RBFOX1: variants seen among roughly 807,000 people sequenced by gnomAD.
RBFOX1 encodes the protein RNA binding fox-1 homolog 1.
RBFOX1 carries 8 observed loss-of-function variants against 57.7 expected under a neutral mutation model. The ratio of observed to expected loss-of-function variants is 0.14; its 90% CI spans 0.08 to 0.25. The LOEUF (loss-of-function observed/expected upper bound fraction) is 0.25, where lower values mean the gene tolerates loss of function less well. Among genes scored for constraint, RBFOX1 ranks in the 10% least tolerant of loss-of-function variants. The pLI is 1.00. For synonymous variants in RBFOX1, 326 were observed against 222.4 expected, an observed-to-expected ratio of 1.47 and a Z score of -4.15; for missense variants, 611 against 548.5, an observed-to-expected ratio of 1.11 and a Z score of -1.14.
intron 1 of RBFOX1, among the ~76,000 whole-genome samples, chr16:5,435,182 A>G (rs980403297): frequency 6.6e-6 from 1 of 152,150 alleles, no homozygotes; most frequent in East Asian, 1.9e-4. Flanking sequence ...CCCCCTGTTT[A>G]CGCTCTTGGT....
At chr16:7,706,084 G>C (rs955027474) in intron 14 of RBFOX1, among the ~76,000 whole-genome samples, 26 of 152,240 alleles carry the variant, frequency 1.7e-4, no homozygotes, top group African/African-American at 5.8e-4. Context: ...GAGGACATCA[G>C]ATTGCTGACG....
chr16:5,625,069 C>G (rs115382210), intron 3 of RBFOX1, among the ~76,000 whole-genome samples: 1,632 of 152,288 alleles, frequency 0.011, 38 homozygotes, highest in African/African-American at 0.037. Flanking sequence ...AAATGGGATT[C>G]AGGGACATTG....
chr16:6,684,879 T>C (rs989209960), intron 3 of RBFOX1, among the ~76,000 whole-genome samples: 2 of 152,232 alleles, frequency 1.3e-5, no homozygotes, highest in Non-Finnish European at 2.9e-5. Flanking sequence ...CAAAAGGAGC[T>C]AGCATGTTCT....
chr16:5,567,778 T>C (rs1433455040), intron 2 of RBFOX1, among the ~76,000 whole-genome samples: 1 of 151,816 alleles, frequency 6.6e-6, no homozygotes, highest in Admixed American at 6.6e-5. Context: ...CCGTCACCTA[T>C]ACTGATTAGG....
intron 3 of RBFOX1, among the ~76,000 whole-genome samples, chr16:6,947,589 G>C (rs1199804026): frequency 6.6e-6 from 1 of 152,142 alleles, no homozygotes; most frequent in Non-Finnish European, 1.5e-5. Flanking sequence ...GCAGCTTGCT[G>C]CCTCCTGCCT....
At chr16:6,595,239 C>T (rs2097765676) in intron 2 of RBFOX1, among the ~76,000 whole-genome samples, 1 of 152,198 alleles carries the variant, frequency 6.6e-6, no homozygotes, top group South Asian at 2.1e-4. Flanking sequence ...TGTAGCCCTA[C>T]ACAGCCAGCA....
intron 2 of RBFOX1, among the ~76,000 whole-genome samples, chr16:5,588,515 C>T (rs1052265171): frequency 1.3e-5 from 2 of 152,136 alleles, no homozygotes; most frequent in African/African-American, 4.8e-5. Context: ...ACAGTCCAGG[C>T]AATCCAGGCA....
intron 1 of RBFOX1, among the ~76,000 whole-genome samples, chr16:6,303,161 C>T (rs2152746112): frequency 6.6e-6 from 1 of 152,284 alleles, no homozygotes; most frequent in South Asian, 2.1e-4. Context: ...TGAGACCTTT[C>T]TCAGGTTGAA....
intron 3 of RBFOX1, among the ~76,000 whole-genome samples, chr16:6,833,873 C>A (rs1487530271): frequency 1.3e-5 from 2 of 151,920 alleles, no homozygotes; most frequent in Admixed American, 6.6e-5. Context: ...ACAGCGTGGG[C>A]ACAGCTTGAG....
intron 4 of RBFOX1, among the ~76,000 whole-genome samples, chr16:7,517,629 C>T (rs936542961): frequency 4.6e-5 from 7 of 151,812 alleles, no homozygotes; most frequent in African/African-American, 1.7e-4. Flanking sequence ...CTCCCTATTC[C>T]CATTATGTGA....
intron 3 of RBFOX1, among the ~76,000 whole-genome samples, chr16:6,839,413 C>T (rs765066981): frequency 7.9e-5 from 12 of 152,222 alleles, no homozygotes; most frequent in South Asian, 2.1e-4. Flanking sequence ...GTGGAAACAT[C>T]GACAGACTCA....
At chr16:6,627,635 A>G (rs17721144) in intron 2 of RBFOX1, among the ~76,000 whole-genome samples, 32,160 of 152,062 alleles carry the variant, frequency 0.21, 3,620 homozygotes, top group Admixed American at 0.28. Flanking sequence ...AGAATATAAG[A>G]TGTTCTTGAG....
intron 2 of RBFOX1, among the ~76,000 whole-genome samples, chr16:6,629,816 C>T (rs989840210): frequency 2.0e-5 from 3 of 152,168 alleles, no homozygotes; most frequent in Admixed American, 2.0e-4. Flanking sequence ...CATTTAAGAT[C>T]CTTTTAATCA....
At chr16:6,768,981 G>T (rs527876644) in intron 3 of RBFOX1, among the ~76,000 whole-genome samples, 13 of 152,120 alleles carry the variant, frequency 8.5e-5, no homozygotes, top group African/African-American at 2.9e-4. Flanking sequence ...CCTGCCTCGG[G>T]CTCCCAAAGT....
intron 4 of RBFOX1, among the ~76,000 whole-genome samples, chr16:6,013,707 A>G (rs571209919): frequency 2.5e-4 from 38 of 152,240 alleles, no homozygotes; most frequent in Admixed American, 7.2e-4. Context: ...ATAATTTTTT[A>G]TGGCTGCATA....
chr16:5,376,529 G>T lies in RBFOX1; in HGVS notation c.220-90687G>T, dbSNP rs117633912. Among the ~76,000 whole-genome samples, 12 of 152,266 alleles carry T rather than the reference G, an allele frequency of 7.9e-5. No homozygotes were observed. In the East Asian group the frequency reaches 2.3e-3, roughly 29 times the overall value. On this transcript the variant is annotated intron_variant, in intron 1 of 2. Coordinates refer to the RBFOX1 transcript ENST00000585867. ...AGCAGACAGGGCAGTGGGAGAGTCG[G>T]GAAAGGCAGCAGAGGAGGCAGTTGA...
At chr16:7,625,167 G>A (rs944031209) in intron 10 of RBFOX1, among the ~76,000 whole-genome samples, 1 of 152,150 alleles carries the variant, frequency 6.6e-6, no homozygotes, top group African/African-American at 2.4e-5. Context: ...ATGTGTAAAT[G>A]CGGGTCGCCA....
intron 4 of RBFOX1, among the ~76,000 whole-genome samples, chr16:7,204,325 C>G (rs571007221): frequency 1.3e-5 from 2 of 152,300 alleles, no homozygotes; most frequent in South Asian, 4.1e-4. Context: ...ATTGCAAACA[C>G]TTTAATATTA....
chr16:6,962,245 A>G (rs376030801), intron 3 of RBFOX1, among the ~76,000 whole-genome samples: 1 of 151,604 alleles, frequency 6.6e-6, no homozygotes, highest in Non-Finnish European at 1.5e-5. Flanking sequence ...TGTGTGTCAG[A>G]CCTCCCTCTC....
Sources: gnomAD v4.1 joint callset for allele counts (sites outside exome capture counted in the v4.1 genomes callset) on GRCh38, gnomAD v4.1.1 for gene constraint, MANE v1.5 for transcripts, NCBI Gene and HGNC (gene_info 2026-07-23, HGNC 2026-07-21) for gene names.